The following ANGEL2 variants were observed in gnomAD, a reference collection of about 807,000 sequenced individuals.
ANGEL2 encodes the protein RNA 2',3'-cyclic phosphatase ANGEL2.
Under a neutral mutation model 66.0 loss-of-function variants are expected in ANGEL2, and 41 were observed. That is an observed-to-expected ratio of 0.62 (90% CI 0.48 to 0.81). ANGEL2 has a LOEUF of 0.81. Among genes scored for constraint, ANGEL2 ranks in the 30% least tolerant of loss-of-function variants. The pLI, the probability that ANGEL2 is intolerant of heterozygous loss-of-function variation, is 0.00. For synonymous variants in ANGEL2, 208 were observed against 226.5 expected (o/e 0.92, Z 0.73); for missense variants, 561 against 641.6 (o/e 0.87, Z 1.36).
intron 4 of ANGEL2, chr1:213,006,901 G>A (rs2076345570): frequency 2.5e-6 from 1 of 401,394 alleles, no homozygotes; most frequent in Admixed American, 4.4e-5. Flanking sequence ...AGTAAATTTG[G>A]CTAAAAGTTA....
chr1:212,995,214 A>G lies in ANGEL2; in HGVS notation c.1484-22T>C, dbSNP rs540098677. 50 of 1,574,016 alleles carry G rather than the reference A, an allele frequency of 3.2e-5. No individual in the cohort carries two copies. In the South Asian group the frequency reaches 5.3e-4, roughly 17 times the overall value. Reference sequence around the variant, plus strand: ...GCTCCTACATTAAAGAAGCACACACATATTTAGTAAAATTGTCAACGGGTT... The same window carrying G: ...GCTCCTACATTAAAGAAGCACACACGTATTTAGTAAAATTGTCAACGGGTT... On this transcript the variant is annotated intron_variant, in intron 8 of 8. Transcript: ENST00000366962.
chr1:213,015,451 G>GTCTC, intron 1 of ANGEL2, 162 bp downstream of exon 1: 1 of 1,438,024 alleles, frequency 7.0e-7, no homozygotes, highest in South Asian at 1.5e-5. Flanking sequence ...ATCCCGCTTG[G>GTCTC]TCTCTGGAGG....
At chr1:213,008,606 G>A (rs1390423561) in intron 2 of ANGEL2, 140 bp from the exon 3 acceptor site, 6 of 957,122 alleles carry the variant, frequency 6.3e-6, no homozygotes, top group Non-Finnish European at 9.1e-6. Flanking sequence ...TGGCAATATA[G>A]CACTGAATAA....
rs1033345879 is a variant in ANGEL2 at position 213,015,268 on chromosome 1, G to A, written c.59+345C>T. The A allele has an allele frequency of 1.8e-5, 20 of 1,109,858 alleles. No homozygotes were observed. In the African/African-American group the frequency reaches 2.8e-4, roughly 15 times the overall value. The allele number at this position is 1,109,858 out of a possible 1,614,324, so 68.8% of individuals were successfully genotyped here. A position where few individuals can be genotyped will look rare whatever the true frequency, so the allele number is the denominator to read the frequency against. Reference sequence around the variant, plus strand: ...CCCGCCGACGCTCGGTTCCCGGGACGGTGCTGCGGAGTGTGTGGAGCAGGC... The same window carrying A: ...CCCGCCGACGCTCGGTTCCCGGGACAGTGCTGCGGAGTGTGTGGAGCAGGC... On this transcript the variant is annotated intron_variant, in intron 1 of 8. Transcript: ENST00000366962.
intron 7 of ANGEL2, among the ~76,000 whole-genome samples, chr1:212,997,553 T>G (rs2148134767): frequency 6.6e-6 from 1 of 152,352 alleles, no homozygotes. Flanking sequence ...ATTAACATAC[T>G]AATGTGTTTT....
At chr1:213,012,373 C>T (rs2076530852) in intron 2 of ANGEL2, among the ~76,000 whole-genome samples, 1 of 152,206 alleles carries the variant, frequency 6.6e-6, no homozygotes, top group Admixed American at 6.5e-5. Context: ...AGACACCTCA[C>T]TTATACTTTC....
At position 213,007,076 on chromosome 1, in the gene ANGEL2, G is replaced by C. The variant is rs186543349; in HGVS notation, c.712+53C>G. The C allele has an allele frequency of 4.7e-6, 7 of 1,504,048 alleles. No homozygotes were observed. The Admixed American group carries it at 5.3e-5, about 11-fold the overall frequency. The allele number at this position is 1,504,048 out of a possible 1,614,324, so 93.2% of individuals were successfully genotyped here. ...GCCACTGCACTCCAGTTGGGCGACA[G>C]AGTGAGACCCTGTCTCAAAAAAGAA... On this transcript the variant is annotated intron_variant, in intron 4 of 8. Transcript: ENST00000366962.
intron 2 of ANGEL2, among the ~76,000 whole-genome samples, chr1:213,009,376 G>C (rs1326642997): frequency 1.3e-5 from 2 of 152,168 alleles, no homozygotes; most frequent in African/African-American, 4.8e-5. Flanking sequence ...GGAATTTTTG[G>C]AGAATTTATG....
intron 5 of ANGEL2, chr1:213,002,171 T>C (rs997413199): frequency 1.3e-5 from 2 of 152,228 alleles, no homozygotes; most frequent in East Asian, 3.8e-4. Context: ...GACCTGTAGG[T>C]ACAAAATTAC....
Position 213,008,262 on chromosome 1 carries a change from C to T in ANGEL2, c.590G>A (p.Trp197Ter). 1.2e-6 allele frequency: 2 copies of T among 1,614,052 alleles called. No homozygotes were observed. Among genetic ancestry groups the T allele is most frequent in the Non-Finnish European group, 1.7e-6 (2 of 1,179,984 alleles). Residue 197 changes from tryptophan to a stop codon, truncating the protein, a stop_gained, in exon 3 of 9, where the codon TGG becomes TAG. Coordinates refer to ENST00000366962, the MANE Select transcript of ANGEL2 (RefSeq NM_144567.5). LOFTEE classifies it high-confidence loss of function. ...YRHCRRPVLH[W>*]SFRFPNILKE... Reference sequence around the variant, plus strand: ...CAGAATATTGGGAAACCTAAAACTCCAGTGTAATACTGGCCGCCGGCAATG... The same window carrying T: ...CAGAATATTGGGAAACCTAAAACTCTAGTGTAATACTGGCCGCCGGCAATG...
intron 7 of ANGEL2, 111 bp from the exon 8 acceptor site, chr1:212,997,429 C>T (rs1488243440): frequency 4.5e-6 from 4 of 891,948 alleles, no homozygotes; most frequent in Non-Finnish European, 6.8e-6. Flanking sequence ...AACATTAGGA[C>T]AAGCTTTATT....
chr1:213,000,448 C>T (rs949533753), intron 6 of ANGEL2, 65 bp from the exon 7 acceptor site: 4 of 1,367,962 alleles, frequency 2.9e-6, no homozygotes, highest in African/African-American at 2.9e-5. Context: ...CGTCATCTTA[C>T]TCTAGAAACA....
chr1:212,998,282 G>A (rs1027422), intron 7 of ANGEL2, among the ~76,000 whole-genome samples: 10,864 of 151,602 alleles, frequency 0.072, 571 homozygotes, highest in Non-Finnish European at 0.11. Flanking sequence ...CATGCCTGTG[G>A]TCTCAGCTAC....
In ANGEL2 at chr1:212,994,795, A is replaced by G. The variant is rs1382685629; in HGVS notation, c.*246T>C. ...TGTCAATTTTACTAGGATTTAGAAT[A>G]TAAAACCTTTACATCTCTTTTACAA... On this transcript the variant is annotated 3_prime_UTR_variant, in exon 9 of 9. Coordinates refer to ENST00000366962, the MANE Select transcript of ANGEL2 (RefSeq NM_144567.5). The G allele has an allele frequency of 3.7e-6, 1 of 271,966 alleles. No individual in the cohort carries two copies. Among genetic ancestry groups the G allele is most frequent in the African/African-American group, 2.2e-5 (1 of 45,694 alleles). 16.8% of individuals were successfully genotyped at this position (271,966 alleles called of 1,614,324 possible).
At chr1:213,002,110 A>T (rs895375576) in intron 5 of ANGEL2, 2 of 152,548 alleles carry the variant, frequency 1.3e-5, no homozygotes, top group African/African-American at 4.8e-5. Context: ...CCATCAGAGA[A>T]ATCACTTCTA....
chr1:213,006,244 G>A (rs184427513), intron 4 of ANGEL2, among the ~76,000 whole-genome samples: 3 of 152,096 alleles, frequency 2.0e-5, no homozygotes, highest in Admixed American at 2.0e-4. Flanking sequence ...GGCGGATCAC[G>A]AGGTCAGGAG....
chr1:213,015,832 C>A lies in ANGEL2; in HGVS notation c.-161G>T. ...TGGGAGGTGCAGTCTCGCCGGCCGG[C>A]CTACACTCCATCTTGCGCAGTCAGA... On this transcript the variant is annotated 5_prime_UTR_variant, in exon 1 of 9. Transcript: ENST00000366962. 3.5e-6 allele frequency: 3 copies of A among 853,630 alleles called. No individual in the cohort carries two copies. The highest frequency in any genetic ancestry group is 5.3e-5 in the East Asian group (2 of 37,514). The allele number at this position is 853,630 out of a possible 1,614,324, so 52.9% of individuals were successfully genotyped here.
rs199701967 is a variant in ANGEL2, at chr1:213,015,602, G to A, written c.59+11C>T. The A allele has an allele frequency of 1.9e-5, 27 of 1,394,750 alleles. No individual in the cohort carries two copies. In the African/African-American group the frequency reaches 3.4e-4, roughly 18 times the overall value. The allele number at this position is 1,394,750 out of a possible 1,614,324, so 86.4% of individuals were successfully genotyped here. ...CCTCTCTCCTCCCTCCGAGTACCCA[G>A]CCCTACTGACCGGCCTCTTCCCACC... On this transcript the variant is annotated intron_variant, in intron 1 of 8. Transcript: ENST00000366962.
chr1:212,995,760 G>C (rs897056580), intron 8 of ANGEL2, among the ~76,000 whole-genome samples: 1 of 152,046 alleles, frequency 6.6e-6, no homozygotes, highest in Non-Finnish European at 1.5e-5. Context: ...AGTAGATCTA[G>C]TGGCAGGAAT....
Sources: allele counts gnomAD v4.1 joint callset (sites outside exome capture counted in the v4.1 genomes callset), GRCh38; gene constraint gnomAD v4.1.1; transcripts MANE v1.5; gene names NCBI Gene and HGNC (gene_info 2026-07-23, HGNC 2026-07-21).